CCDC146: variants seen among roughly 807,000 people sequenced by gnomAD.
The protein encoded by CCDC146 is coiled-coil domain-containing protein 146.
CCDC146 carries 92 observed loss-of-function variants against 119.3 expected under a neutral mutation model. The ratio of observed to expected loss-of-function variants is 0.77; its 90% CI spans 0.65 to 0.92. CCDC146 has a LOEUF of 0.92. CCDC146 is among the 40% of genes least tolerant of loss of function. CCDC146 has a pLI of 0.00. For synonymous variants in CCDC146, 372 were observed against 371.8 expected, an observed-to-expected ratio of 1.00 and a Z score of -0.01; for missense variants, 1,000 against 1,103.0, an observed-to-expected ratio of 0.91 and a Z score of 1.32.
intron 2 of CCDC146, among the ~76,000 whole-genome samples, chr7:77,180,133 ATG>A (rs1380656429): frequency 5.0e-4 from 73 of 145,592 alleles, no homozygotes; most frequent in African/African-American, 1.9e-3. Flanking sequence ...ATGCACCCAT[ATG>A]TATGTACCAT....
chr7:77,294,876 C>A lies in CCDC146; in HGVS notation c.*10C>A, dbSNP rs369006392. On this transcript the variant is annotated 3_prime_UTR_variant, in exon 19 of 19. Transcript: ENST00000285871. ...GCCAGTTGAAATCTGAATATGTGAA[C>A]AAATCCAGGCCTCTCAAGGAAAAGA... is the stretch of plus-strand genomic sequence containing the variant. 421 of 1,609,718 alleles carry A rather than the reference C, an allele frequency of 2.6e-4. No homozygotes were observed. The highest frequency in any genetic ancestry group is 5.6e-4 in the Middle Eastern group (3 of 5,332).
In CCDC146 at chr7:77,196,663, T is replaced by C; in HGVS notation, c.156+28839T>C. 1 of 1,614,166 alleles carries C rather than the reference T, an allele frequency of 6.2e-7. No homozygotes were observed. Among genetic ancestry groups the C allele is most frequent in the Non-Finnish European group, 8.5e-7 (1 of 1,179,946 alleles). ...CATAAAACTGATCATACAAGGCATATAGTTCGACACCATTAAAGTCTTCAA... is the reference window on the plus strand; with the variant it reads ...CATAAAACTGATCATACAAGGCATACAGTTCGACACCATTAAAGTCTTCAA... On this transcript the variant is annotated intron_variant, in intron 2 of 18. Coordinates refer to ENST00000285871, the MANE Select transcript of CCDC146 (RefSeq NM_020879.3). The surrounding 1 kb of genome is among the most constrained non-coding windows in gnomAD (Gnocchi z 4.2).
chr7:77,223,513 C>A (rs180725080), intron 2 of CCDC146, among the ~76,000 whole-genome samples: 2 of 152,190 alleles, frequency 1.3e-5, no homozygotes, highest in African/African-American at 4.8e-5. Flanking sequence ...ATCCTGTGAA[C>A]CTTGCCAACC....
Position 77,196,822 on chromosome 7 carries a change from A to C in CCDC146, c.156+28998A>C. 6.2e-7 allele frequency: 1 copy of C among 1,614,074 alleles called. No individual in the cohort carries two copies. The highest frequency in any genetic ancestry group is 8.5e-7 in the Non-Finnish European group (1 of 1,180,014). On this transcript the variant is annotated intron_variant, in intron 2 of 18. Transcript: ENST00000285871. The surrounding 1 kb of genome is among the most constrained non-coding windows in gnomAD (Gnocchi z 4.2). The stretch of plus-strand genomic sequence containing the variant: ...ATGTTCTGGTGAAGTTGGTGCTCCC[A>C]TCGAGACGTGCCTGCAGCACTGTCC...
intron 17 of CCDC146, among the ~76,000 whole-genome samples, chr7:77,289,018 A>G (rs1171102228): frequency 3.5e-5 from 5 of 144,010 alleles, no homozygotes; most frequent in African/African-American, 1.3e-4. Context: ...TTCCATGACT[A>G]GACTGATCAG....
At chr7:77,127,916 T>A (rs761739890) in intron 1 of CCDC146, among the ~76,000 whole-genome samples, 17 of 152,128 alleles carry the variant, frequency 1.1e-4, no homozygotes, top group Admixed American at 2.6e-4. Context: ...TCCTTCCCAA[T>A]CTTTGCTAAT....
At position 77,220,299 on chromosome 7, in the gene CCDC146, G is replaced by T. The variant is rs117296956; in HGVS notation, c.157-16648G>T. ...AAATATGACTCTTCTGCCTGGCCCC[G>T]CAGGCAGTCAGGCCTTATGGTTGTC... On this transcript the variant is annotated intron_variant, in intron 2 of 18. Coordinates refer to ENST00000285871, the MANE Select transcript of CCDC146 (RefSeq NM_020879.3). Among the ~76,000 whole-genome samples the T allele has an allele frequency of 2.0e-5, 3 of 152,130 alleles. No individual in the cohort carries two copies. In the East Asian group the frequency reaches 5.8e-4, roughly 29 times the overall value.
chr7:77,230,494 ATGTG>A (rs71524923), intron 2 of CCDC146, among the ~76,000 whole-genome samples: 18 of 149,334 alleles, frequency 1.2e-4, no homozygotes, highest in African/African-American at 3.7e-4. Context: ...GTTGACAGGT[ATGTG>A]TGTGTGTGTG....
chr7:77,278,389 T>G (rs1485038108), intron 11 of CCDC146, among the ~76,000 whole-genome samples: 2 of 152,090 alleles, frequency 1.3e-5, no homozygotes, highest in Non-Finnish European at 2.9e-5. Context: ...TTCAGATCTC[T>G]TTTACCCTTC....
At chr7:77,281,057 C>T (rs376011598) in intron 14 of CCDC146, among the ~76,000 whole-genome samples, 4 of 150,884 alleles carry the variant, frequency 2.7e-5, no homozygotes, top group South Asian at 4.2e-4. Context: ...GAGCTGAGAT[C>T]GTGCCACTGC....
chr7:77,124,690 A>G (rs2117379738), intron 1 of CCDC146, among the ~76,000 whole-genome samples: 1 of 152,322 alleles, frequency 6.6e-6, no homozygotes, highest in South Asian at 2.1e-4. Context: ...TCTTAGTTTA[A>G]AAAAGCTATT....
intron 1 of CCDC146, among the ~76,000 whole-genome samples, chr7:77,160,172 C>A (rs1448586773): frequency 1.3e-5 from 2 of 152,076 alleles, no homozygotes; most frequent in Non-Finnish European, 2.9e-5. Flanking sequence ...GTTACTGTAG[C>A]CTTGTAGTAT....
chr7:77,135,378 T>C lies in CCDC146; in HGVS notation c.-12+12646T>C, dbSNP rs113186104. Among the ~76,000 whole-genome samples, 1,218 of 151,788 alleles carry C rather than the reference T, an allele frequency of 8.0e-3. 12 individuals are homozygous for C. The highest frequency in any genetic ancestry group is 0.028 in the African/African-American group (1,171 of 41,334). On this transcript the variant is annotated intron_variant, in intron 1 of 18. Transcript: ENST00000285871. Reference sequence around the variant, plus strand: ...TGGTGTGCATCTGTAGTTCCAGCTATTCAGGAGGCTAAGATGGGAAGACTG... The same window carrying C: ...TGGTGTGCATCTGTAGTTCCAGCTACTCAGGAGGCTAAGATGGGAAGACTG...
chr7:77,213,807 T>C (rs1333425448), intron 2 of CCDC146, among the ~76,000 whole-genome samples: 4 of 152,234 alleles, frequency 2.6e-5, no homozygotes, highest in Non-Finnish European at 5.9e-5. Flanking sequence ...GATTTCATTC[T>C]TTTTTATGAC....
chr7:77,247,294 G>GA (rs1792970775), intron 4 of CCDC146, among the ~76,000 whole-genome samples: 1 of 152,076 alleles, frequency 6.6e-6, no homozygotes, highest in Non-Finnish European at 1.5e-5. Context: ...ATACTTAAAG[G>GA]AAAGACCATA....
At chr7:77,190,410 T>C (rs1425107957) in intron 2 of CCDC146, among the ~76,000 whole-genome samples, 1 of 152,252 alleles carries the variant, frequency 6.6e-6, no homozygotes, top group Non-Finnish European at 1.5e-5. Context: ...AGCAAAGTTG[T>C]GCAAAGCCTT....
rs1793269992 is a variant in CCDC146 at position 77,260,374 on chromosome 7, A to G, written c.986+138A>G. On this transcript the variant is annotated intron_variant, in intron 8 of 18. Coordinates refer to ENST00000285871, the MANE Select transcript of CCDC146 (RefSeq NM_020879.3). ...TTAAATCAACTTTTACCCTTAATAT[A>G]TTATCAAATAAAGCACTTTGAAGTA... 6.6e-6 allele frequency: 4 copies of G among 609,796 alleles called. 1 individual carries two copies. The highest frequency in any genetic ancestry group is 1.1e-5 in the Non-Finnish European group (4 of 363,518). 37.8% of individuals were successfully genotyped at this position (609,796 alleles called of 1,614,324 possible). A position where few individuals can be genotyped will look rare whatever the true frequency, so the allele number is the denominator to read the frequency against.
intron 1 of CCDC146, among the ~76,000 whole-genome samples, chr7:77,144,835 AT>A (rs1790990324): frequency 1.3e-5 from 2 of 151,102 alleles, no homozygotes; most frequent in South Asian, 4.2e-4. Flanking sequence ...TTTATTGAGG[AT>A]TTTTTCATCG....
At chr7:77,148,866 G>A (rs1791065531) in intron 1 of CCDC146, among the ~76,000 whole-genome samples, 1 of 151,902 alleles carries the variant, frequency 6.6e-6, no homozygotes, top group Admixed American at 6.6e-5. Flanking sequence ...CATGCTCATG[G>A]ATAAGAAGAA....
Sources: gnomAD v4.1 joint callset for allele counts (sites outside exome capture counted in the v4.1 genomes callset) on GRCh38, gnomAD v4.1.1 for gene constraint, Gnocchi (gnomAD v3.1) non-coding constraint, MANE v1.5 for transcripts, NCBI Gene and HGNC (gene_info 2026-07-23, HGNC 2026-07-21) for gene names.